ABCB5: variants seen among roughly 807,000 people sequenced by gnomAD.
ABCB5 encodes ATP binding cassette subfamily B member 5.
ABCB5 carries 155 observed loss-of-function variants against 144.2 expected under a neutral mutation model. The observed-to-expected ratio is 1.08, with a 90% confidence interval of 0.94 to 1.23. ABCB5 has a LOEUF of 1.23. ABCB5 is among the 50% of genes most tolerant of loss of function. The pLI is 0.00. For missense variants in ABCB5, 1,830 were observed against 1,520.8 expected (o/e 1.20, Z -3.38); for synonymous variants, 610 against 528.6 (o/e 1.15, Z -2.11).
intron 19 of ABCB5, among the ~76,000 whole-genome samples, chr7:20,703,133 C>A (rs989324839): frequency 5.9e-5 from 9 of 152,040 alleles, no homozygotes; most frequent in African/African-American, 2.2e-4. Context: ...ATAATAAATT[C>A]TTTTCATATT....
intron 3 of ABCB5, among the ~76,000 whole-genome samples, chr7:20,626,854 GGTGTGTGTGTGTGT>G (rs370537783): frequency 1.4e-5 from 2 of 143,756 alleles, no homozygotes; most frequent in African/African-American, 5.1e-5. Flanking sequence ...GTGTTTTTGG[GGTGTGTGTGTGTGT>G]GTGTGTGTGT....
At chr7:20,635,719 T>C (rs1031968919) in intron 5 of ABCB5, among the ~76,000 whole-genome samples, 3 of 152,156 alleles carry the variant, frequency 2.0e-5, no homozygotes, top group African/African-American at 4.8e-5. Context: ...TATTGGTGTA[T>C]AGAAATGTTA....
intron 5 of ABCB5, chr7:20,641,891 A>G (rs1784303790): frequency 6.6e-6 from 1 of 152,528 alleles, no homozygotes; most frequent in Non-Finnish European, 1.5e-5. Flanking sequence ...TCATGTGTCT[A>G]GCAGAGAAAG....
rs375425769 is a variant in ABCB5 at position 20,665,768 on chromosome 7, G to GAGATACATAC, written c.1707+7093_1707+7094insGATACATACA. Among the ~76,000 whole-genome samples, 445 of 125,444 alleles carry GAGATACATAC rather than the reference G, an allele frequency of 3.5e-3. 2 individuals are homozygous for GAGATACATAC. The highest frequency in any genetic ancestry group is 4.7e-3 in the African/African-American group (146 of 30,840). 82.3% of individuals were successfully genotyped at this position (125,444 alleles called of 152,430 possible). A position where few individuals can be genotyped will look rare whatever the true frequency, so the allele number is the denominator to read the frequency against. On this transcript the variant is annotated intron_variant, in intron 14 of 27. Coordinates refer to ENST00000404938, the MANE Select transcript of ABCB5 (RefSeq NM_001163941.2). ...ATAGATAGATAGATAGATAGATAGA[G>GAGATACATAC]ATACATACATACATACATACATACA...
chr7:20,740,010 T>A (rs1001510746), intron 24 of ABCB5, among the ~76,000 whole-genome samples: 1 of 152,126 alleles, frequency 6.6e-6, no homozygotes, highest in African/African-American at 2.4e-5. Flanking sequence ...GGTGGGTGGA[T>A]CACGAGGTCA....
At position 20,651,496 on chromosome 7, in the gene ABCB5, A is replaced by AG; in HGVS notation, c.1410dup (p.Pro471AlafsTer10). 1 of 1,614,068 alleles carries AG rather than the reference A, an allele frequency of 6.2e-7. No individual in the cohort carries two copies. Among genetic ancestry groups the AG allele is most frequent in the Non-Finnish European group, 8.5e-7 (1 of 1,179,994 alleles). On this transcript the variant is annotated frameshift_variant, in exon 13 of 28. Coordinates refer to ENST00000404938, the MANE Select transcript of ABCB5 (RefSeq NM_001163941.2). LOFTEE classifies it high-confidence loss of function. ...GACCATATTGGAGTGGTTAGTCAAG[A>AG]GCCTGTTTTGTTCGGGACCACCATC...
intron 14 of ABCB5, among the ~76,000 whole-genome samples, chr7:20,675,276 G>C (rs771047853): frequency 2.0e-5 from 3 of 151,982 alleles, no homozygotes; most frequent in Non-Finnish European, 2.9e-5. Flanking sequence ...AAACAGTATA[G>C]TACTTGCCTA....
At chr7:20,626,796 A>T (rs1783919008) in intron 3 of ABCB5, among the ~76,000 whole-genome samples, 185 bp downstream of exon 3, 1 of 152,006 alleles carries the variant, frequency 6.6e-6, no homozygotes, top group South Asian at 2.1e-4. Context: ...ACAATAAAGG[A>T]TAGGGAAAAA....
rs71020650 is a variant in ABCB5, at chr7:20,635,387, C to CTT, written c.314+3286_314+3287dup. Among the ~76,000 whole-genome samples the CTT allele has an allele frequency of 2.0e-4, 29 of 142,910 alleles. No individual in the cohort carries two copies. In the East Asian group the frequency reaches 3.2e-3, roughly 16 times the overall value. The allele number at this position is 142,910 out of a possible 152,430, so 93.8% of individuals were successfully genotyped here. On this transcript the variant is annotated intron_variant, in intron 5 of 27. Coordinates refer to ENST00000404938, the MANE Select transcript of ABCB5 (RefSeq NM_001163941.2). ...CTTATAGTTGTTTTGGTTATAAAGG[C>CTT]TTTTTTTTTTTTTGGTTGCATATGA... is the stretch of plus-strand genomic sequence containing the variant.
chr7:20,663,123 T>G (rs1446531979), intron 14 of ABCB5, among the ~76,000 whole-genome samples: 1 of 152,352 alleles, frequency 6.6e-6, no homozygotes, highest in Middle Eastern at 3.4e-3. Flanking sequence ...TGCCTCATTC[T>G]TGTAACCACC....
chr7:20,673,307 C>G (rs867018082), intron 14 of ABCB5, among the ~76,000 whole-genome samples: 1 of 152,170 alleles, frequency 6.6e-6, no homozygotes, highest in African/African-American at 2.4e-5. Flanking sequence ...TATTATTCAT[C>G]TCTTCCTTGT....
At chr7:20,714,764 A>G (rs1781614725) in intron 20 of ABCB5, among the ~76,000 whole-genome samples, 1 of 152,248 alleles carries the variant, frequency 6.6e-6, no homozygotes, top group Non-Finnish European at 1.5e-5. Flanking sequence ...ATATGCAAGT[A>G]CAAGCCACTT....
intron 5 of ABCB5, among the ~76,000 whole-genome samples, chr7:20,638,084 G>A (rs1784204862): frequency 6.6e-6 from 1 of 152,046 alleles, no homozygotes; most frequent in South Asian, 2.1e-4. Context: ...CGAGTGTGTT[G>A]TTTTGTTTGT....
intron 1 of ABCB5, among the ~76,000 whole-genome samples, chr7:20,616,634 A>T (rs1488731735): frequency 6.6e-6 from 1 of 152,228 alleles, no homozygotes; most frequent in Non-Finnish European, 1.5e-5. Flanking sequence ...TGGCTGACTG[A>T]TAGATTTTGT....
intron 12 of ABCB5, 68 bp downstream of exon 12, chr7:20,650,215 G>T: frequency 6.4e-7 from 1 of 1,553,168 alleles, no homozygotes; most frequent in Non-Finnish European, 8.7e-7. Flanking sequence ...AGGGCTGGCA[G>T]CTCTGTAACT....
At chr7:20,647,174 A>T (rs948691455) in intron 9 of ABCB5, 2 of 499,344 alleles carry the variant, frequency 4.0e-6, no homozygotes, top group Non-Finnish European at 5.2e-6. Context: ...TCACCCAACA[A>T]GGAGGGGAGT....
At chr7:20,707,606 G>C (rs1307420220) in intron 20 of ABCB5, among the ~76,000 whole-genome samples, 8 of 152,136 alleles carry the variant, frequency 5.3e-5, no homozygotes, top group African/African-American at 1.9e-4. Flanking sequence ...AAGAAAGTGT[G>C]TTATTGACAC....
intron 9 of ABCB5, chr7:20,647,323 T>C: frequency 7.6e-7 from 1 of 1,310,206 alleles, no homozygotes; most frequent in African/African-American, 1.5e-5. Flanking sequence ...CCAAGGATAC[T>C]TGGATTAATC....
intron 5 of ABCB5, among the ~76,000 whole-genome samples, chr7:20,640,694 G>C (rs1385512566): frequency 6.6e-6 from 1 of 152,148 alleles, no homozygotes; most frequent in Non-Finnish European, 1.5e-5. Flanking sequence ...TGGCCACTCT[G>C]TGCATGTCCA....
Sources: allele counts gnomAD v4.1 joint callset (sites outside exome capture counted in the v4.1 genomes callset), GRCh38; gene constraint gnomAD v4.1.1; transcripts MANE v1.5; gene names NCBI Gene and HGNC (gene_info 2026-07-23, HGNC 2026-07-21).